Variants in TXLNB observed in about 807,000 individuals in gnomAD.
The protein encoded by TXLNB is taxilin beta.
TXLNB carries 37 observed loss-of-function variants against 57.4 expected under a neutral mutation model. The observed-to-expected ratio is 0.64, with a 90% CI of 0.50 to 0.85. TXLNB has a LOEUF of 0.85. Among genes scored for constraint, TXLNB ranks in the 40% least tolerant of loss-of-function variants. The pLI, the probability that TXLNB is intolerant of heterozygous loss-of-function variation, is 0.00. For missense variants in TXLNB, 848 were observed against 825.6 expected (o/e 1.03, Z -0.33); for synonymous variants, 302 against 309.6 (o/e 0.98, Z 0.26).
At chr6:139,193,846 T>A in the TXLNB span, among the ~76,000 whole-genome samples, 46,747 of 98,094 alleles carry the variant, frequency 0.48, 11,349 homozygotes, top group Non-Finnish European at 0.55. Flanking sequence ...ATATATTTTT[T>A]TTTTTTTTTT....
At chr6:139,258,754 A>C (rs1012511593) in intron 6 of TXLNB, among the ~76,000 whole-genome samples, 3 of 152,166 alleles carry the variant, frequency 2.0e-5, no homozygotes, top group African/African-American at 7.2e-5. Context: ...ACATGCGTCA[A>C]CTCATACCTC....
At chr6:139,285,002 C>G (rs996020865) in intron 2 of TXLNB, among the ~76,000 whole-genome samples, 2 of 144,800 alleles carry the variant, frequency 1.4e-5, no homozygotes, top group African/African-American at 5.1e-5. Flanking sequence ...AGGTCATGAG[C>G]CCACACATAC....
At position 139,288,827 on chromosome 6, in the gene TXLNB, G is replaced by A; in HGVS notation, c.73C>T (p.Pro25Ser). Residue 25 changes from proline (P) to serine (S), a missense_variant, in exon 2 of 10, where the codon CCC (proline) becomes TCC (serine). Pro to Ser is a moderately conservative substitution (Grantham distance 74). Transcript: ENST00000358430. Reference protein sequence around the residue: ...STPPGDSSSLPSHNGLEKEDG... With the variant: ...STPPGDSSSLSSHNGLEKEDG... ...TCCTTCTCCAGGCCATTGTGACTGG[G>A]TAATGATGAACTGTCACCTGGAGGT... 1 of 1,614,214 alleles carries A rather than the reference G, an allele frequency of 6.2e-7. No individual in the cohort carries two copies. The highest frequency in any genetic ancestry group is 8.5e-7 in the Non-Finnish European group (1 of 1,180,020).
chr6:139,218,462 C>T, the TXLNB span, among the ~76,000 whole-genome samples: 1 of 152,004 alleles, frequency 6.6e-6, no homozygotes, highest in Non-Finnish European at 1.5e-5. Flanking sequence ...GAAGAAGATT[C>T]CAAATATAGG....
the TXLNB span, among the ~76,000 whole-genome samples, chr6:139,192,420 C>T: frequency 1.1e-4 from 16 of 152,304 alleles, no homozygotes; most frequent in Non-Finnish European, 1.5e-5. Flanking sequence ...CACCTTCTGT[C>T]GCATTTAGCA....
At chr6:139,292,538 ATTGT>A (rs1410031864), upstream of TXLNB, among the ~76,000 whole-genome samples, 1 of 152,178 alleles carries the variant, frequency 6.6e-6, no homozygotes, top group African/African-American at 2.4e-5. The surrounding 1 kb of genome is among the most constrained non-coding windows in gnomAD (Gnocchi z 4.0). Flanking sequence ...TTCTGATGTC[ATTGT>A]TTGGTTTGTT....
the TXLNB span, among the ~76,000 whole-genome samples, chr6:139,198,195 C>CT: frequency 0.017 from 2,447 of 144,868 alleles, 30 homozygotes; most frequent in African/African-American, 0.038. Context: ...ATCCATTGTA[C>CT]TTTTTTTTTT....
At chr6:139,219,459 T>C in the TXLNB span, among the ~76,000 whole-genome samples, 170 of 152,308 alleles carry the variant, frequency 1.1e-3, no homozygotes, top group Non-Finnish European at 1.6e-3. Flanking sequence ...ATGCAAATCA[T>C]CAGCTCAAAG....
intron 6 of TXLNB, among the ~76,000 whole-genome samples, chr6:139,259,646 G>T (rs1776430617): frequency 6.6e-6 from 1 of 152,102 alleles, no homozygotes; most frequent in African/African-American, 2.4e-5. Flanking sequence ...TGTCTGAAAT[G>T]ACCCTTCCCT....
the TXLNB span, among the ~76,000 whole-genome samples, chr6:139,215,980 G>T: frequency 6.6e-6 from 1 of 151,906 alleles, no homozygotes; most frequent in African/African-American, 2.4e-5. Flanking sequence ...AACAACAGGT[G>T]CTGGAGAGGA....
At chr6:139,192,822 G>A in the TXLNB span, among the ~76,000 whole-genome samples, 1 of 151,908 alleles carries the variant, frequency 6.6e-6, no homozygotes, top group African/African-American at 2.4e-5. Context: ...AATTAGCTGG[G>A]CATGGTGGCA....
chr6:139,313,112 G>A, the TXLNB span, among the ~76,000 whole-genome samples: 2 of 146,410 alleles, frequency 1.4e-5, no homozygotes, highest in African/African-American at 2.5e-5. Flanking sequence ...TCGCTCTGTT[G>A]CCCAGGCTGG....
rs1340240229 is a variant in TXLNB at position 139,242,406 on chromosome 6, G to T, written c.*120C>A. ...TGTGTTCTGCCTAACATTAAAAAAT[G>T]TCTTGATCCTAAGTCTCTTCCATTT... On this transcript the variant is annotated 3_prime_UTR_variant, in exon 10 of 10. Coordinates refer to ENST00000358430, the MANE Select transcript of TXLNB (RefSeq NM_153235.4). 4 of 778,298 alleles carry T rather than the reference G, an allele frequency of 5.1e-6. No homozygotes were observed. The highest frequency in any genetic ancestry group is 7.3e-6 in the Non-Finnish European group (4 of 546,924). The allele number at this position is 778,298 out of a possible 1,614,324, so 48.2% of individuals were successfully genotyped here. A position where few individuals can be genotyped will look rare whatever the true frequency, so the allele number is the denominator to read the frequency against.
the TXLNB span, among the ~76,000 whole-genome samples, chr6:139,171,901 G>A: frequency 0.041 from 6,202 of 151,196 alleles, 138 homozygotes; most frequent in African/African-American, 0.063. Flanking sequence ...GTGCTATCTC[G>A]GCTCACTGCA....
At chr6:139,305,811 G>C in the TXLNB span, among the ~76,000 whole-genome samples, 1 of 152,128 alleles carries the variant, frequency 6.6e-6, no homozygotes, top group African/African-American at 2.4e-5. Context: ...CTTGGGAAAG[G>C]ATCCAGATCC....
chr6:139,242,316 C>T lies in TXLNB; in HGVS notation c.*210G>A. On this transcript the variant is annotated 3_prime_UTR_variant, in exon 10 of 10. Transcript: ENST00000358430. ...CCTTTGGGAAAATTATACTGTCAAC[C>T]AGTGTTAAATAGAAAACCTTCAAAT... The T allele has an allele frequency of 2.5e-6, 1 of 401,558 alleles. No individual in the cohort carries two copies. Among genetic ancestry groups the T allele is most frequent in the Non-Finnish European group, 4.3e-6 (1 of 232,532 alleles). 24.9% of individuals were successfully genotyped at this position (401,558 alleles called of 1,614,324 possible).
the TXLNB span, among the ~76,000 whole-genome samples, chr6:139,217,864 CAAAAAAAAAAAAA>C: frequency 9.6e-5 from 5 of 51,916 alleles, no homozygotes; most frequent in African/African-American, 2.4e-4. Context: ...GCAAGAGTCT[CAAAAAAAAAAAAA>C]AAAAAAAAAA....
chr6:139,174,601 G>T, the TXLNB span: 1 of 1,571,982 alleles, frequency 6.4e-7, no homozygotes, highest in South Asian at 1.2e-5. Flanking sequence ...CCAAGTGAAT[G>T]TAGGGAAGAT....
the TXLNB span, among the ~76,000 whole-genome samples, chr6:139,297,387 T>C: frequency 6.6e-6 from 1 of 152,190 alleles, no homozygotes; most frequent in African/African-American, 2.4e-5. Flanking sequence ...CAGTAGAGAC[T>C]TGGTTGTTCT....
Sources: gnomAD v4.1 joint callset for allele counts (sites outside exome capture counted in the v4.1 genomes callset) on GRCh38, gnomAD v4.1.1 for gene constraint, Gnocchi (gnomAD v3.1) non-coding constraint, MANE v1.5 for transcripts, NCBI Gene and HGNC (gene_info 2026-07-23, HGNC 2026-07-21) for gene names.